TGFBR3: variants seen among roughly 807,000 people sequenced by gnomAD.
The protein encoded by TGFBR3 is transforming growth factor beta receptor type 3.
TGFBR3 carries 46 observed loss-of-function variants against 87.9 expected under a neutral mutation model. The observed-to-expected ratio is 0.52, with a 90% CI of 0.41 to 0.67. The LOEUF (loss-of-function observed/expected upper bound fraction) is 0.67, where lower values mean the gene tolerates loss of function less well. Among genes scored for constraint, TGFBR3 ranks in the 30% least tolerant of loss-of-function variants. The probability of loss-of-function intolerance (pLI) is 0.00; values close to 1 mark genes in which losing one functional copy is unlikely to be tolerated. For synonymous variants in TGFBR3, 381 were observed against 391.6 expected (o/e 0.97, Z 0.32); for missense variants, 866 against 1,041.9 (o/e 0.83, Z 2.32).
At chr1:91,849,578 G>T (rs1239449073) in intron 2 of TGFBR3, among the ~76,000 whole-genome samples, 1 of 152,080 alleles carries the variant, frequency 6.6e-6, no homozygotes, top group African/African-American at 2.4e-5. Context: ...CAACCTCTTT[G>T]CTTTTTATTC....
intron 2 of TGFBR3, among the ~76,000 whole-genome samples, chr1:91,807,124 T>C (rs1352382226): frequency 1.3e-5 from 2 of 152,326 alleles, no homozygotes; most frequent in East Asian, 1.9e-4. Context: ...TTACAATTCA[T>C]TGGAACTACA....
At chr1:91,744,885 T>C (rs953928247) in intron 4 of TGFBR3, among the ~76,000 whole-genome samples, 2 of 151,898 alleles carry the variant, frequency 1.3e-5, no homozygotes, top group Non-Finnish European at 2.9e-5. Context: ...ATGGATGGAG[T>C]CATCTCCTTG....
At chr1:91,765,793 C>A (rs191983065) in intron 3 of TGFBR3, among the ~76,000 whole-genome samples, 1 of 152,128 alleles carries the variant, frequency 6.6e-6, no homozygotes, top group African/African-American at 2.4e-5. Flanking sequence ...GAATTTTACA[C>A]GGGTTTGCAT....
At chr1:91,758,832 T>C in intron 3 of TGFBR3, 82 bp from the exon 4 acceptor site, 1 of 1,560,480 alleles carries the variant, frequency 6.4e-7, no homozygotes, top group South Asian at 1.1e-5. Flanking sequence ...GGAATACTTT[T>C]TTTGCAACTC....
At chr1:91,822,263 G>T (rs977632618) in intron 2 of TGFBR3, among the ~76,000 whole-genome samples, 1 of 138,516 alleles carries the variant, frequency 7.2e-6, no homozygotes, top group Non-Finnish European at 1.5e-5. Flanking sequence ...ATCTCCTAGT[G>T]CCCGCTGTAG....
intron 2 of TGFBR3, among the ~76,000 whole-genome samples, chr1:91,819,032 G>GA (rs1417341130): frequency 6.6e-6 from 1 of 152,066 alleles, no homozygotes; most frequent in African/African-American, 2.4e-5. Context: ...TTCTTTGGGG[G>GA]ACCTAAAACA....
chr1:91,800,990 G>A (rs1244880944), intron 2 of TGFBR3: 5 of 217,020 alleles, frequency 2.3e-5, no homozygotes, highest in Non-Finnish European at 4.9e-5. Context: ...GGCTGAGGCA[G>A]AAGAATCGCT....
At chr1:91,803,932 T>C (rs1675738611) in intron 2 of TGFBR3, among the ~76,000 whole-genome samples, 1 of 152,236 alleles carries the variant, frequency 6.6e-6, no homozygotes, top group Admixed American at 6.5e-5. Context: ...GTTTCACATC[T>C]ACATGCTCCC....
intron 3 of TGFBR3, among the ~76,000 whole-genome samples, chr1:91,778,457 G>C (rs1477502372): frequency 6.6e-6 from 1 of 152,118 alleles, no homozygotes; most frequent in East Asian, 1.9e-4. Context: ...AAAAAAGAGG[G>C]AAGTCTTTTA....
At chr1:91,748,088 A>G (rs1302387639) in intron 4 of TGFBR3, among the ~76,000 whole-genome samples, 2 of 152,270 alleles carry the variant, frequency 1.3e-5, no homozygotes, top group South Asian at 2.1e-4. Flanking sequence ...ACAGTTTGGG[A>G]AAAAAAGTTC....
chr1:91,800,299 T>C (rs1675562842), intron 2 of TGFBR3, among the ~76,000 whole-genome samples: 1 of 141,152 alleles, frequency 7.1e-6, no homozygotes, highest in South Asian at 2.3e-4. Flanking sequence ...TATATACATA[T>C]ATGCATGCAT....
chr1:91,798,296 C>T (rs886840843), intron 2 of TGFBR3, among the ~76,000 whole-genome samples: 27 of 152,206 alleles, frequency 1.8e-4, no homozygotes, highest in Non-Finnish European at 3.8e-4. Context: ...AAAGCAAATG[C>T]CTGCCGTTGG....
At chr1:91,750,434 C>T (rs528125530) in intron 4 of TGFBR3, among the ~76,000 whole-genome samples, 1 of 152,168 alleles carries the variant, frequency 6.6e-6, no homozygotes, top group South Asian at 2.1e-4. Context: ...TCCTAGGAAA[C>T]AGGAATGACT....
At chr1:91,861,791 G>A in intron 1 of TGFBR3, 147 bp from the exon 2 acceptor site, 6 of 493,974 alleles carry the variant, frequency 1.2e-5, no homozygotes, top group South Asian at 8.8e-5. Flanking sequence ...ACTAGACTGA[G>A]GGCAGTGACT....
intron 2 of TGFBR3, among the ~76,000 whole-genome samples, chr1:91,800,005 G>A (rs1675539234): frequency 6.6e-6 from 1 of 151,902 alleles, no homozygotes; most frequent in Non-Finnish European, 1.5e-5. Context: ...CTAGCCACGG[G>A]TTGGTTATAT....
chr1:91,713,613 C>T (rs1672063331), intron 12 of TGFBR3, among the ~76,000 whole-genome samples: 1 of 152,178 alleles, frequency 6.6e-6, no homozygotes, highest in Admixed American at 6.5e-5. Flanking sequence ...AGGGGAAACC[C>T]CTGACATCAC....
intron 16 of TGFBR3, chr1:91,695,459 G>T (rs542204829): frequency 9.3e-5 from 50 of 538,142 alleles, no homozygotes; most frequent in South Asian, 7.3e-4. Flanking sequence ...CATCACAATC[G>T]CAATTAGCAC....
chr1:91,744,975 G>A (rs1386337708), intron 4 of TGFBR3, among the ~76,000 whole-genome samples: 1 of 150,814 alleles, frequency 6.6e-6, no homozygotes, highest in Admixed American at 6.7e-5. Context: ...AGCCTGTTGA[G>A]ATCTCAGAGG....
chr1:91,781,735 A>G (rs962239276), intron 3 of TGFBR3, among the ~76,000 whole-genome samples: 1 of 152,188 alleles, frequency 6.6e-6, no homozygotes, highest in Non-Finnish European at 1.5e-5. Context: ...CCTCACAGCA[A>G]GTCAAGGGCC....
Sources: allele counts gnomAD v4.1 joint callset (sites outside exome capture counted in the v4.1 genomes callset), GRCh38; gene constraint gnomAD v4.1.1; transcripts MANE v1.5; gene names NCBI Gene and HGNC (gene_info 2026-07-23, HGNC 2026-07-21).